The following AGR3 variants were observed in gnomAD, a reference collection of about 807,000 sequenced individuals.
The protein encoded by AGR3 is anterior gradient 3, protein disulphide isomerase family member.
Under a neutral mutation model 24.5 loss-of-function variants are expected in AGR3, and 37 were observed. The ratio of observed to expected loss-of-function variants is 1.51; its 90% CI spans 1.16 to 1.99. AGR3 has a LOEUF of 1.99. Among genes scored for constraint, AGR3 ranks in the 30% most tolerant of loss-of-function variants. The pLI is 0.00. For missense variants in AGR3, 228 were observed against 191.1 expected (o/e 1.19, Z -1.14); for synonymous variants, 75 against 61.6 (o/e 1.22, Z -1.02).
chr7:16,864,765 T>C, intron 3 of AGR3: 1 of 1,164,452 alleles, frequency 8.6e-7, no homozygotes, highest in Non-Finnish European at 1.3e-6. Context: ...ATCCTTCTCC[T>C]TGGCAATGAG....
intron 3 of AGR3, among the ~76,000 whole-genome samples, chr7:16,867,313 T>A (rs1356401851): frequency 6.6e-6 from 1 of 152,178 alleles, no homozygotes; most frequent in South Asian, 2.1e-4. Flanking sequence ...TACCACTTCC[T>A]GTATTAAAAA....
intron 3 of AGR3, among the ~76,000 whole-genome samples, chr7:16,870,786 T>C (rs901343161): frequency 2.6e-5 from 4 of 152,158 alleles, no homozygotes; most frequent in African/African-American, 9.6e-5. Context: ...CTGCTGGTGC[T>C]CCTTACTAAT....
chr7:16,875,080 T>G (rs6957816), intron 2 of AGR3, among the ~76,000 whole-genome samples: 1 of 150,184 alleles, frequency 6.7e-6, no homozygotes, highest in African/African-American at 2.5e-5. Flanking sequence ...GCGCCACTGC[T>G]CTCCAGCCTG....
At chr7:16,880,821 A>G (rs559799062) in intron 1 of AGR3, among the ~76,000 whole-genome samples, 4 of 152,176 alleles carry the variant, frequency 2.6e-5, no homozygotes, top group Admixed American at 2.6e-4. Context: ...CACAAAGCTC[A>G]ACCCAGGGAA....
At chr7:16,876,780 A>G (rs1052297920) in intron 2 of AGR3, among the ~76,000 whole-genome samples, 4 of 152,234 alleles carry the variant, frequency 2.6e-5, no homozygotes, top group African/African-American at 9.6e-5. Context: ...TAGGGCATAC[A>G]AATGTAATAT....
chr7:16,873,902 G>T, intron 2 of AGR3, 59 bp from the exon 3 acceptor site: 1 of 1,247,846 alleles, frequency 8.0e-7, no homozygotes, highest in South Asian at 1.2e-5. Context: ...GCTCGGAAAT[G>T]GGTATCTAAT....
intron 7 of AGR3, 44 bp downstream of exon 7, chr7:16,860,456 G>T: frequency 1.5e-6 from 2 of 1,378,648 alleles, no homozygotes; most frequent in East Asian, 2.3e-5. Context: ...AAATAGTCAG[G>T]GGTCAGCTAT....
At chr7:16,872,096 AG>A (rs1287779972) in intron 3 of AGR3, among the ~76,000 whole-genome samples, 1 of 14,288 alleles carries the variant, frequency 7.0e-5, no homozygotes, top group East Asian at 1.4e-3. Flanking sequence ...AGAAACAGAA[AG>A]AAAAAAATCT....
rs746557355 is a variant in AGR3, at chr7:16,878,605, G to A, written c.14C>T (p.Ser5Leu). 6.2e-7 allele frequency: 1 copy of A among 1,614,066 alleles called. No homozygotes were observed. The highest frequency in any genetic ancestry group is 8.5e-7 in the Non-Finnish European group (1 of 1,179,968). Residue 5 changes from serine (S) to leucine (L), a missense_variant, in exon 2 of 8, where the codon TCA (serine) becomes TTA (leucine). Physicochemically the swap from Ser to Leu is moderately radical, Grantham distance 145. Coordinates refer to ENST00000310398, the MANE Select transcript of AGR3 (RefSeq NM_176813.5). Reference protein sequence around the residue: MMLHSALGLCLLLVT... With the variant: MMLHLALGLCLLLVT... The stretch of plus-strand genomic sequence containing the variant: ...GAGTAAGAGGCAGAGACCCAAAGCT[G>A]AGTGTAGCATCATGTCTTCTAGAGA...
At chr7:16,857,282 A>T (rs1224923063), downstream of AGR3, among the ~76,000 whole-genome samples, 1 of 152,232 alleles carries the variant, frequency 6.6e-6, no homozygotes, top group African/African-American at 2.4e-5. Context: ...TTATATGCAT[A>T]ATAAAATTAT....
At chr7:16,864,004 A>G (rs368875821) in intron 3 of AGR3, among the ~76,000 whole-genome samples, 22 of 152,346 alleles carry the variant, frequency 1.4e-4, no homozygotes, top group African/African-American at 1.9e-4. Flanking sequence ...AACACACTTT[A>G]TACACACTGA....
chr7:16,870,538 A>T (rs1383900848), intron 3 of AGR3, among the ~76,000 whole-genome samples: 1 of 152,022 alleles, frequency 6.6e-6, no homozygotes, highest in Non-Finnish European at 1.5e-5. Flanking sequence ...TACTGTTGGA[A>T]TGCTGTTGTT....
At chr7:16,881,291 G>A (rs1242383031) in intron 1 of AGR3, among the ~76,000 whole-genome samples, 1 of 152,000 alleles carries the variant, frequency 6.6e-6, no homozygotes, top group Non-Finnish European at 1.5e-5. Context: ...TAAAAATCTT[G>A]GTTTTCTGGT....
chr7:16,870,921 A>T (rs181978735), intron 3 of AGR3, among the ~76,000 whole-genome samples: 6 of 152,274 alleles, frequency 3.9e-5, no homozygotes, highest in Admixed American at 2.6e-4. Flanking sequence ...TTTAAAGAGT[A>T]TTGCAATAGA....
At position 16,864,390 on chromosome 7, in the gene AGR3, G is replaced by C. The variant is rs183873084; in HGVS notation, c.174-1728C>G. On this transcript the variant is annotated intron_variant, in intron 3 of 7. Transcript: ENST00000310398. ...TATTCTGACTCAGAGGAAGAGACCA[G>C]GTTTCCAGCTCTGTGTCCTGTGCGG... is the stretch of plus-strand genomic sequence containing the variant. 2.0e-5 allele frequency: 26 copies of C among 1,303,188 alleles called. No individual in the cohort carries two copies. The African/African-American group carries it at 3.4e-4, about 17-fold the overall frequency. 80.7% of individuals were successfully genotyped at this position (1,303,188 alleles called of 1,614,324 possible). A position where few individuals can be genotyped will look rare whatever the true frequency, so the allele number is the denominator to read the frequency against.
At chr7:16,879,369 C>T (rs527682285) in intron 1 of AGR3, among the ~76,000 whole-genome samples, 23 of 152,264 alleles carry the variant, frequency 1.5e-4, no homozygotes, top group African/African-American at 5.1e-4. Flanking sequence ...ACTCAATGTG[C>T]ATCTTTTATA....
intron 6 of AGR3, 78 bp downstream of exon 6, chr7:16,861,306 C>T: frequency 4.4e-6 from 5 of 1,124,726 alleles, no homozygotes; most frequent in Non-Finnish European, 6.3e-6. Flanking sequence ...AGTACTTGAA[C>T]TAGCATTTAA....
At chr7:16,876,785 T>C (rs1252110517) in intron 2 of AGR3, among the ~76,000 whole-genome samples, 1 of 152,226 alleles carries the variant, frequency 6.6e-6, no homozygotes, top group African/African-American at 2.4e-5. Context: ...CATACAAATG[T>C]AATATATTTT....
At chr7:16,865,161 T>A (rs111621282) in intron 3 of AGR3, 6 of 741,496 alleles carry the variant, frequency 8.1e-6, no homozygotes, top group Non-Finnish European at 1.2e-5. Flanking sequence ...AGCTTGGACC[T>A]CTTGACTTTC....
Sources: allele counts gnomAD v4.1 joint callset (sites outside exome capture counted in the v4.1 genomes callset), GRCh38; gene constraint gnomAD v4.1.1; transcripts MANE v1.5; gene names NCBI Gene and HGNC (gene_info 2026-07-23, HGNC 2026-07-21).